AK7: variants seen among roughly 807,000 people sequenced by gnomAD.
AK7 encodes adenylate kinase 7.
A neutral mutation model predicts 96.6 loss-of-function variants in AK7; 78 were observed. That is an observed-to-expected ratio of 0.81 (90% confidence interval 0.67 to 0.97). The LOEUF (loss-of-function observed/expected upper bound fraction) is 0.97. Ranked by LOEUF, AK7 falls within the 50% of genes least tolerant of loss-of-function variation. The pLI, the probability that AK7 is intolerant of heterozygous loss-of-function variation, is 0.00. For synonymous variants in AK7, 302 were observed against 317.2 expected (o/e 0.95, Z 0.51); for missense variants, 855 against 887.9 (o/e 0.96, Z 0.47).
intron 5 of AK7, among the ~76,000 whole-genome samples, chr14:96,429,965 G>C (rs1892251557): frequency 6.6e-6 from 1 of 152,034 alleles, no homozygotes; most frequent in Non-Finnish European, 1.5e-5. Context: ...TCTTTCTCTT[G>C]CCTGATTGCC....
intron 4 of AK7, among the ~76,000 whole-genome samples, chr14:96,420,617 G>A (rs1367929837): frequency 6.6e-6 from 1 of 152,074 alleles, no homozygotes; most frequent in African/African-American, 2.4e-5. Flanking sequence ...CCAGCACTTT[G>A]GAAGGCCGAG....
At chr14:96,410,776 G>A (rs919091242) in intron 4 of AK7, among the ~76,000 whole-genome samples, 2 of 152,228 alleles carry the variant, frequency 1.3e-5, no homozygotes, top group African/African-American at 4.8e-5. Flanking sequence ...GCCAAGGCAG[G>A]AGGATTGCTT....
chr14:96,414,654 A>T (rs936786635), intron 4 of AK7, among the ~76,000 whole-genome samples: 1 of 151,458 alleles, frequency 6.6e-6, no homozygotes, highest in African/African-American at 2.4e-5. Flanking sequence ...AAGGTGTGGT[A>T]GGCGCTATGT....
chr14:96,483,395 A>G (rs1895612239), intron 16 of AK7, among the ~76,000 whole-genome samples, 176 bp downstream of exon 16: 1 of 150,386 alleles, frequency 6.6e-6, no homozygotes, highest in Admixed American at 6.6e-5. Flanking sequence ...AAGGATATCC[A>G]TGGTCTTTTG....
At chr14:96,473,530 G>C (rs1329311750) in intron 14 of AK7, among the ~76,000 whole-genome samples, 1 of 151,348 alleles carries the variant, frequency 6.6e-6, no homozygotes, top group Admixed American at 6.6e-5. Flanking sequence ...GCCTAGAGTA[G>C]CCCAATATCC....
chr14:96,436,402 TG>T (rs1038203286), intron 5 of AK7, among the ~76,000 whole-genome samples: 5 of 152,128 alleles, frequency 3.3e-5, no homozygotes, highest in African/African-American at 1.2e-4. Flanking sequence ...CCCAGCACTT[TG>T]GGAGGCCGAG....
intron 12 of AK7, among the ~76,000 whole-genome samples, chr14:96,465,142 T>C (rs963092744): frequency 6.6e-6 from 1 of 152,178 alleles, no homozygotes; most frequent in Admixed American, 6.6e-5. Context: ...TAGTTACAAA[T>C]GAGAGGCAGA....
intron 5 of AK7, among the ~76,000 whole-genome samples, chr14:96,434,096 G>A (rs543071039): frequency 5.3e-5 from 8 of 152,238 alleles, no homozygotes; most frequent in East Asian, 1.9e-4. Flanking sequence ...ATGCTTTCCC[G>A]GTTGGTGTTG....
intron 7 of AK7, among the ~76,000 whole-genome samples, chr14:96,443,176 C>T (rs868379906): frequency 3.3e-5 from 5 of 152,210 alleles, no homozygotes; most frequent in South Asian, 2.1e-4. Context: ...AACCCGTCAA[C>T]TTAAATTCTA....
chr14:96,481,585 A>G (rs2140176019), intron 15 of AK7, among the ~76,000 whole-genome samples: 1 of 152,006 alleles, frequency 6.6e-6, no homozygotes, highest in Non-Finnish European at 1.5e-5. Context: ...GCCTCAAGCA[A>G]TCTGCCCATC....
intron 4 of AK7, among the ~76,000 whole-genome samples, chr14:96,416,881 G>C (rs1296760112): frequency 6.6e-6 from 1 of 152,136 alleles, no homozygotes; most frequent in Non-Finnish European, 1.5e-5. Context: ...GGCCCCCTCT[G>C]GTTGGAATTT....
chr14:96,397,165 T>C lies in AK7; in HGVS notation c.106-910T>C, dbSNP rs143262384. Among the ~76,000 whole-genome samples, 279 of 152,300 alleles carry C rather than the reference T, an allele frequency of 1.8e-3. 9 individuals carry two copies. The South Asian group carries it at 0.045, about 25-fold the overall frequency. ...TGTAAAATGCAGATTGAATTTCAAA[T>C]AAAAATAAAATATCTCAATAATTTT... On this transcript the variant is annotated intron_variant, in intron 1 of 17. Coordinates refer to ENST00000267584, the MANE Select transcript of AK7 (RefSeq NM_152327.5).
At chr14:96,398,511 T>C in intron 2 of AK7, 1 of 520,060 alleles carries the variant, frequency 1.9e-6, no homozygotes, top group Non-Finnish European at 3.5e-6. Context: ...ACTTTCAGAC[T>C]CATACAGTTC....
At chr14:96,478,442 C>G (rs1895306805) in intron 14 of AK7, 23 bp from the exon 15 acceptor site, 1 of 1,613,742 alleles carries the variant, frequency 6.2e-7, no homozygotes, top group Non-Finnish European at 8.5e-7. Context: ...TGTGCCAACT[C>G]TGGAGTCTGT....
intron 16 of AK7, among the ~76,000 whole-genome samples, chr14:96,486,207 A>G (rs1047836974): frequency 6.6e-6 from 1 of 152,186 alleles, no homozygotes; most frequent in Admixed American, 6.5e-5. Context: ...AGTGGCTCAA[A>G]TGATGTCACC....
chr14:96,483,053 A>T lies in AK7; in HGVS notation c.1808A>T (p.Lys603Ile), dbSNP rs760375948. 6.2e-7 allele frequency: 1 copy of T among 1,614,070 alleles called. No individual in the cohort carries two copies. Among genetic ancestry groups the T allele is most frequent in the South Asian group, 1.1e-5 (1 of 91,074 alleles). ...AGACTTGCTATCAAACAGCTCATCA[A>T]AGAGATTGGGGAGCCTCGAAATTAT... ...QNRLAIKQLIKEIGEPRNYGL... is the reference protein window; with the variant it reads ...QNRLAIKQLIIEIGEPRNYGL... The change falls in exon 16 of 18, where the codon AAA (lysine) becomes ATA (isoleucine). Residue 603 changes from lysine to isoleucine, a missense_variant. By Grantham distance (102) the Lys-to-Ile change is moderately radical (BLOSUM62 -3). Coordinates refer to ENST00000267584, the MANE Select transcript of AK7 (RefSeq NM_152327.5).
At position 96,406,816 on chromosome 14, in the gene AK7, C is replaced by T. The variant is rs533599495; in HGVS notation, c.403+1951C>T. Among the ~76,000 whole-genome samples, 131 of 152,092 alleles carry T rather than the reference C, an allele frequency of 8.6e-4. 1 individual carries two copies. Among genetic ancestry groups the T allele is most frequent in the African/African-American group, 3.0e-3 (123 of 41,480 alleles). On this transcript the variant is annotated intron_variant, in intron 3 of 17. Transcript: ENST00000267584. Reference sequence around the variant, plus strand: ...CCTCCTGCCTCAGCCTCCTGAGTAGCTAGAATTACAGGTGTGCATCCAGCT... The same window carrying T: ...CCTCCTGCCTCAGCCTCCTGAGTAGTTAGAATTACAGGTGTGCATCCAGCT...
chr14:96,409,188 T>TA (rs1446843905), intron 4 of AK7, among the ~76,000 whole-genome samples: 6 of 152,192 alleles, frequency 3.9e-5, no homozygotes, highest in African/African-American at 1.4e-4. Context: ...GCTTATCACT[T>TA]ATGGTATGTA....
At chr14:96,435,251 A>G (rs7160480) in intron 5 of AK7, among the ~76,000 whole-genome samples, 302 of 152,272 alleles carry the variant, frequency 2.0e-3, no homozygotes, top group African/African-American at 7.0e-3. Flanking sequence ...GGCCCTCAAC[A>G]TAGTACCTGG....
Sources: gnomAD v4.1 joint callset for allele counts (sites outside exome capture counted in the v4.1 genomes callset) on GRCh38, gnomAD v4.1.1 for gene constraint, MANE v1.5 for transcripts, NCBI Gene and HGNC (gene_info 2026-07-23, HGNC 2026-07-21) for gene names.